The following LEKR1 variants were observed in gnomAD, a reference collection of about 807,000 sequenced individuals.
LEKR1 encodes the protein leucine, glutamate and lysine rich 1.
A neutral mutation model predicts 72.4 loss-of-function variants in LEKR1; 59 were observed. The observed-to-expected ratio is 0.82, with a 90% CI of 0.66 to 1.01. LEKR1 has a LOEUF of 1.01. Ranked by LOEUF, LEKR1 falls within the 50% of genes least tolerant of loss-of-function variation. LEKR1 has a pLI of 0.00. For synonymous variants in LEKR1, 257 were observed against 263.2 expected (o/e 0.98, Z 0.23); for missense variants, 728 against 759.2 (o/e 0.96, Z 0.48).
intron 5 of LEKR1, among the ~76,000 whole-genome samples, chr3:156,929,280 A>G (rs926131795): frequency 6.6e-6 from 1 of 152,052 alleles, no homozygotes; most frequent in Admixed American, 6.6e-5. Flanking sequence ...CAGCCTATCC[A>G]TTTTGGTAGG....
At chr3:156,831,662 C>T (rs1576623707) in intron 2 of LEKR1, among the ~76,000 whole-genome samples, 2 of 152,168 alleles carry the variant, frequency 1.3e-5, no homozygotes, top group South Asian at 4.1e-4. Flanking sequence ...TGCAGGGGCG[C>T]TCCTCTTTAT....
intron 3 of LEKR1, among the ~76,000 whole-genome samples, chr3:156,914,279 C>A (rs1251742027): frequency 1.3e-5 from 2 of 151,178 alleles, no homozygotes; most frequent in African/African-American, 4.9e-5. Context: ...CCATTATCTA[C>A]GTTAGGTATT....
chr3:156,905,162 A>T (rs1330183197), intron 3 of LEKR1, among the ~76,000 whole-genome samples: 1 of 152,148 alleles, frequency 6.6e-6, no homozygotes, highest in African/African-American at 2.4e-5. Context: ...ATGTTGGAAT[A>T]TTGAACTCCC....
intron 3 of LEKR1, among the ~76,000 whole-genome samples, chr3:156,879,520 T>G (rs1463510968): frequency 6.6e-6 from 1 of 152,168 alleles, no homozygotes; most frequent in Non-Finnish European, 1.5e-5. Context: ...TAATATATGA[T>G]AGAAAAGAAA....
At chr3:156,893,872 T>C (rs1720917577) in intron 3 of LEKR1, among the ~76,000 whole-genome samples, 1 of 152,118 alleles carries the variant, frequency 6.6e-6, no homozygotes, top group African/African-American at 2.4e-5. Flanking sequence ...GGGCAGAAAA[T>C]TGGCCTTGGG....
chr3:156,880,704 GA>G (rs1335089819), intron 3 of LEKR1, among the ~76,000 whole-genome samples: 2 of 152,162 alleles, frequency 1.3e-5, no homozygotes, highest in African/African-American at 4.8e-5. Context: ...CCAAAAAAGA[GA>G]ATTTTAGACC....
chr3:156,998,008 C>T (rs1248854354), intron 9 of LEKR1, among the ~76,000 whole-genome samples: 1 of 152,162 alleles, frequency 6.6e-6, no homozygotes, highest in African/African-American at 2.4e-5. Flanking sequence ...GTCACGGACA[C>T]ACTGGGACTG....
chr3:156,883,801 T>G (rs915854923), intron 3 of LEKR1, among the ~76,000 whole-genome samples: 1 of 152,192 alleles, frequency 6.6e-6, no homozygotes, highest in African/African-American at 2.4e-5. Context: ...TTAAATAAAT[T>G]ACCCAGTCTC....
intron 12 of LEKR1, among the ~76,000 whole-genome samples, chr3:157,029,100 C>G (rs943083527): frequency 1.3e-5 from 2 of 152,056 alleles, no homozygotes; most frequent in African/African-American, 4.8e-5. Flanking sequence ...GAGGAAGATT[C>G]TGAATGTTGG....
intron 3 of LEKR1, among the ~76,000 whole-genome samples, chr3:156,884,308 A>G (rs1483416357): frequency 3.3e-5 from 5 of 150,808 alleles, no homozygotes; most frequent in Non-Finnish European, 3.0e-5. Flanking sequence ...TGTTCTATTC[A>G]TCATGTTAGT....
At chr3:156,934,737 A>G (rs1178381367) in intron 5 of LEKR1, among the ~76,000 whole-genome samples, 1 of 152,194 alleles carries the variant, frequency 6.6e-6, no homozygotes, top group Non-Finnish European at 1.5e-5. Flanking sequence ...GTCATCTGTA[A>G]TATCATGACA....
At chr3:156,899,397 T>C (rs1287365460) in intron 3 of LEKR1, among the ~76,000 whole-genome samples, 1 of 83,230 alleles carries the variant, frequency 1.2e-5, no homozygotes, top group African/African-American at 5.2e-5. Context: ...TACATGTATA[T>C]ATACATATAT....
chr3:156,947,715 T>C (rs1412469806), intron 6 of LEKR1, among the ~76,000 whole-genome samples: 1 of 151,130 alleles, frequency 6.6e-6, no homozygotes, highest in Admixed American at 6.6e-5. Context: ...CTGTCTGTAC[T>C]AGCAACTATT....
intron 9 of LEKR1, among the ~76,000 whole-genome samples, chr3:156,996,163 C>CA (rs1369814706): frequency 1.3e-5 from 2 of 151,364 alleles, no homozygotes; most frequent in Non-Finnish European, 2.9e-5. Flanking sequence ...AACAGTAAAA[C>CA]AAAAAAATAG....
At chr3:157,032,332 G>A (rs576166000) in intron 12 of LEKR1, among the ~76,000 whole-genome samples, 3 of 152,256 alleles carry the variant, frequency 2.0e-5, no homozygotes, top group South Asian at 4.1e-4. Flanking sequence ...TATTTTTGTT[G>A]TTTGAAGACC....
intron 4 of LEKR1, among the ~76,000 whole-genome samples, chr3:156,922,468 A>T (rs1426261352): frequency 1.3e-5 from 2 of 151,908 alleles, no homozygotes; most frequent in Non-Finnish European, 2.9e-5. Context: ...CTCAGATATA[A>T]TCATCTTTAT....
At chr3:156,936,562 C>A (rs1286181266) in intron 5 of LEKR1, among the ~76,000 whole-genome samples, 1 of 152,008 alleles carries the variant, frequency 6.6e-6, no homozygotes, top group Non-Finnish European at 1.5e-5. Flanking sequence ...GTATTCGTTT[C>A]TCATTTCTGT....
chr3:156,921,933 A>G (rs1724237079), intron 4 of LEKR1, among the ~76,000 whole-genome samples: 1 of 152,102 alleles, frequency 6.6e-6, no homozygotes, highest in South Asian at 2.1e-4. Context: ...TGTTATTTTT[A>G]TTCTGTATTC....
intron 3 of LEKR1, among the ~76,000 whole-genome samples, chr3:156,877,934 C>A (rs1268146970): frequency 6.6e-6 from 1 of 152,000 alleles, no homozygotes; most frequent in East Asian, 1.9e-4. Context: ...AGGTGTGCAC[C>A]ACCACGCCCG....
Sources: gnomAD v4.1 joint callset for allele counts (sites outside exome capture counted in the v4.1 genomes callset) on GRCh38, gnomAD v4.1.1 for gene constraint, MANE v1.5 for transcripts, NCBI Gene and HGNC (gene_info 2026-07-23, HGNC 2026-07-21) for gene names.